RPS6KA4: variants seen among roughly 807,000 people sequenced by gnomAD.
The protein encoded by RPS6KA4 is ribosomal protein S6 kinase alpha-4.
Under a neutral mutation model 89.6 loss-of-function variants are expected in RPS6KA4, and 38 were observed. The ratio of observed to expected loss-of-function variants is 0.42; its 90% CI spans 0.33 to 0.56. The LOEUF is 0.56. Among genes scored for constraint, RPS6KA4 ranks in the 20% least tolerant of loss-of-function variants. The pLI, the probability that RPS6KA4 is intolerant of heterozygous loss-of-function variation, is 0.07. For synonymous variants in RPS6KA4, 495 were observed against 492.8 expected (o/e 1.00, Z -0.06); for missense variants, 873 against 1,098.8 (o/e 0.79, Z 2.90).
chr11:64,370,705 G>C lies in RPS6KA4; in HGVS notation c.2100G>C (p.Ser700=). The C allele has an allele frequency of 2.6e-6, 4 of 1,560,656 alleles. No individual in the cohort carries two copies. Among genetic ancestry groups the C allele is most frequent in the Non-Finnish European group, 3.5e-6 (4 of 1,157,162 alleles). ...VLESSGPAVR[S]GLNATFMAFN... The stretch of plus-strand genomic sequence containing the variant: ...AGTCCTCTGGGCCCGCAGTGCGCTC[G>C]GGTCTCAACGCCACCTTCATGGTAA... The change falls in exon 16 of 17, where the codon TCG becomes TCC. Residue 700 remains serine, a synonymous_variant. Coordinates refer to ENST00000334205, the MANE Select transcript of RPS6KA4 (RefSeq NM_003942.3). This position sits in a 1 kb window ranked among gnomAD's most constrained non-coding sequence, Gnocchi z 4.1.
chr11:64,370,573 C>A lies in RPS6KA4; in HGVS notation c.1968C>A (p.Thr656=), dbSNP rs757627442. 2 of 1,592,590 alleles carry A rather than the reference C, an allele frequency of 1.3e-6. No homozygotes were observed. The highest frequency in any genetic ancestry group is 1.3e-5 in the African/African-American group (1 of 74,802). ...TTGCCCCGCCTCCAGGGCTCCTGACCGTGGACCCCGCCAAGCGGCTGAAGC... is the reference window on the plus strand; with the variant it reads ...TTGCCCCGCCTCCAGGGCTCCTGACAGTGGACCCCGCCAAGCGGCTGAAGC... ...EAKELVRGLL[T]VDPAKRLKLE... Residue 656 remains threonine, a synonymous_variant, in exon 16 of 17, where the codon ACC becomes ACA. Transcript: ENST00000334205. The surrounding 1 kb of genome is among the most constrained non-coding windows in gnomAD (Gnocchi z 4.1).
At chr11:64,366,652 G>A (rs1175066260) in intron 9 of RPS6KA4, among the ~76,000 whole-genome samples, 1 of 152,156 alleles carries the variant, frequency 6.6e-6, no homozygotes, top group African/African-American at 2.4e-5. Context: ...ATACCTCTGT[G>A]CCTTTGCACT....
Position 64,371,366 on chromosome 11 carries a change from G to C in RPS6KA4, c.2205G>C (p.Leu735=). 1 of 1,612,630 alleles carries C rather than the reference G, an allele frequency of 6.2e-7. No homozygotes were observed. The highest frequency in any genetic ancestry group is 1.7e-4 in the Middle Eastern group (1 of 6,056). ...APLAKRRKQK[L]RSATASRRGS... ...TGGCCAAGCGGCGGAAGCAGAAGCTGCGGAGCGCCACCGCCTCCCGCCGGG... is the reference window on the plus strand; with the variant it reads ...TGGCCAAGCGGCGGAAGCAGAAGCTCCGGAGCGCCACCGCCTCCCGCCGGG... The change falls in exon 17 of 17, where the codon CTG becomes CTC. Residue 735 remains leucine (L), a synonymous_variant. Coordinates refer to ENST00000334205, the MANE Select transcript of RPS6KA4 (RefSeq NM_003942.3).
intron 16 of RPS6KA4, 87 bp from the exon 17 acceptor site, chr11:64,371,196 A>G (rs2135349889): frequency 7.5e-7 from 1 of 1,327,196 alleles, no homozygotes; most frequent in Non-Finnish European, 1.0e-6. Context: ...AGGCGGCTGG[A>G]GGCAAGGTCT....
intron 14 of RPS6KA4, 55 bp downstream of exon 14, chr11:64,369,948 C>T (rs993109896): frequency 2.3e-5 from 33 of 1,443,480 alleles, no homozygotes; most frequent in Non-Finnish European, 9.2e-6. Flanking sequence ...TGGCGTCTTC[C>T]TGATGTGCAG....
chr11:64,369,761 G>A lies in RPS6KA4; in HGVS notation c.1665G>A (p.Ala555=), dbSNP rs1399504846. Residue 555 remains alanine, a synonymous_variant, in exon 14 of 17, where the codon GCG becomes GCA. Coordinates refer to ENST00000334205, the MANE Select transcript of RPS6KA4 (RefSeq NM_003942.3). The stretch of plus-strand genomic sequence containing the variant: ...TGAAAATCATCGACTTCGGGTTCGC[G>A]CGGTTGCGGCCGCAGAGTCCCGGGG... ...APVKIIDFGF[A]RLRPQSPGVP... 3 of 1,611,674 alleles carry A rather than the reference G, an allele frequency of 1.9e-6. No homozygotes were observed. The highest frequency in any genetic ancestry group is 3.3e-5 in the Admixed American group (2 of 59,934).
Position 64,368,129 on chromosome 11 carries a change from C to T in RPS6KA4, c.1072-3C>T. 2 of 1,613,454 alleles carry T rather than the reference C, an allele frequency of 1.2e-6. No homozygotes were observed. Among genetic ancestry groups the T allele is most frequent in the Non-Finnish European group, 1.7e-6 (2 of 1,179,924 alleles). ...GCCCATTCCCCGGACTCCCGCCCTG[C>T]AGGGATACTCCTTTGTGGCACCCTC... On this transcript the variant is annotated splice_polypyrimidine_tract_variant and splice_region_variant and intron_variant, in intron 9 of 16. Coordinates refer to ENST00000334205, the MANE Select transcript of RPS6KA4 (RefSeq NM_003942.3).
chr11:64,368,153 T>G lies in RPS6KA4; in HGVS notation c.1093T>G (p.Ser365Ala), dbSNP rs757849416. The change falls in exon 10 of 17, where the codon TCC (serine) becomes GCC (alanine). Residue 365 changes from serine to alanine, a missense_variant. Physicochemically the swap from Ser to Ala is moderately conservative, Grantham distance 99. This residue lies in a region of RPS6KA4 where 542 missense variants were observed against 736.4 expected (regional missense o/e 0.74). Coordinates refer to ENST00000334205, the MANE Select transcript of RPS6KA4 (RefSeq NM_003942.3). ...GCAGGGATACTCCTTTGTGGCACCC[T>G]CCATTCTCTTTGACCACAACAACGC... ...IFQGYSFVAPSILFDHNNAVM... is the reference protein window; with the variant it reads ...IFQGYSFVAPAILFDHNNAVM... 3.3e-5 allele frequency: 54 copies of G among 1,613,512 alleles called. 1 individual carries two copies. Among genetic ancestry groups the G allele is most frequent in the Non-Finnish European group, 3.3e-5 (39 of 1,180,012 alleles).
Position 64,368,161 on chromosome 11 carries a change from C to T in RPS6KA4, c.1101C>T (p.Leu367=). 1 of 1,613,742 alleles carries T rather than the reference C, an allele frequency of 6.2e-7. No individual in the cohort carries two copies. Among genetic ancestry groups the T allele is most frequent in the Non-Finnish European group, 8.5e-7 (1 of 1,180,030 alleles). The part of the protein sequence containing the change: ...QGYSFVAPSI[L]FDHNNAVMTD... Reference sequence around the variant, plus strand: ...ACTCCTTTGTGGCACCCTCCATTCTCTTTGACCACAACAACGCGGTGATGA... The same window carrying T: ...ACTCCTTTGTGGCACCCTCCATTCTTTTTGACCACAACAACGCGGTGATGA... Residue 367 remains leucine, a synonymous_variant, in exon 10 of 17, where the codon CTC becomes CTT. Coordinates refer to ENST00000334205, the MANE Select transcript of RPS6KA4 (RefSeq NM_003942.3).
chr11:64,364,394 T>C (rs2036827445), intron 8 of RPS6KA4, among the ~76,000 whole-genome samples: 1 of 152,200 alleles, frequency 6.6e-6, no homozygotes, highest in African/African-American at 2.4e-5. Context: ...AGCAAGTTTG[T>C]AAAAATATTC....
At position 64,368,144 on chromosome 11, in the gene RPS6KA4, G is replaced by T. The variant is rs1182908241; in HGVS notation, c.1084G>T (p.Val362Leu). ...TCCCGCCCTGCAGGGATACTCCTTTGTGGCACCCTCCATTCTCTTTGACCA... is the reference window on the plus strand; with the variant it reads ...TCCCGCCCTGCAGGGATACTCCTTTTTGGCACCCTCCATTCTCTTTGACCA... ...DPRIFQGYSF[V>L]APSILFDHNN... The change falls in exon 10 of 17, where the codon GTG (valine) becomes TTG (leucine). Residue 362 changes from valine to leucine, a missense_variant. Val to Leu is a conservative substitution (Grantham distance 32). Transcript: ENST00000334205. 6.2e-7 allele frequency: 1 copy of T among 1,613,602 alleles called. No individual in the cohort carries two copies. Among genetic ancestry groups the T allele is most frequent in the East Asian group, 2.2e-5 (1 of 44,882 alleles).
At position 64,362,549 on chromosome 11, in the gene RPS6KA4, C is replaced by T. The variant is rs1032989347; in HGVS notation, c.906+547C>T. On this transcript the variant is annotated intron_variant, in intron 8 of 16. Transcript: ENST00000334205. ...GCAGTGCAGAGTGAATCTGGCCATGCGAGAATGCACTGACTCAGGGGCTGG... is the reference window on the plus strand; with the variant it reads ...GCAGTGCAGAGTGAATCTGGCCATGTGAGAATGCACTGACTCAGGGGCTGG... Among the ~76,000 whole-genome samples, 24 of 152,198 alleles carry T rather than the reference C, an allele frequency of 1.6e-4. No individual in the cohort carries two copies. In the South Asian group the frequency reaches 2.1e-3, roughly 13 times the overall value.
rs374065485 is a variant in RPS6KA4, at chr11:64,365,436, C to T, written c.1042C>T (p.Pro348Ser). ...GCCTGTCTACTCACCCCCTGGCAGC[C>T]CCCCACCTGGGGACCCCCGAATCTT... Reference protein sequence around the residue: ...LEPVYSPPGSPPPGDPRIFQG... With the variant: ...LEPVYSPPGSSPPGDPRIFQG... The change falls in exon 9 of 17, where the codon CCC (proline) becomes TCC (serine). Residue 348 changes from proline (P) to serine (S), a missense_variant. By Grantham distance (74) the Pro-to-Ser change is moderately conservative. Transcript: ENST00000334205. 8 of 1,613,822 alleles carry T rather than the reference C, an allele frequency of 5.0e-6. No homozygotes were observed. The highest frequency in any genetic ancestry group is 6.8e-6 in the Non-Finnish European group (8 of 1,180,008).
Position 64,368,757 on chromosome 11 carries a change from AC to A in RPS6KA4, c.1392del (p.Asn465ThrfsTer3). 1 of 1,572,070 alleles carries A rather than the reference AC, an allele frequency of 6.4e-7. No homozygotes were observed. On this transcript the variant is annotated frameshift_variant, in exon 12 of 17. Coordinates refer to ENST00000334205, the MANE Select transcript of RPS6KA4 (RefSeq NM_003942.3). LOFTEE classifies it high-confidence loss of function. Reference protein sequence around the residue: ...EVAALRLCQSHPNVVNLHEVH... With the variant: ...EVAALRLCQSXPNVVNLHEVH... The stretch of plus-strand genomic sequence containing the variant: ...GCTGCCCTGCGCCTGTGCCAGTCAC[AC>A]CCCAACGTGGTGAATCTGCACGAGG...
At chr11:64,368,305 A>G in intron 10 of RPS6KA4, 45 bp downstream of exon 10, 1 of 1,601,556 alleles carries the variant, frequency 6.2e-7, no homozygotes, top group South Asian at 1.1e-5. Context: ...GTTTTAGGAG[A>G]GGCCTAGGCC....
chr11:64,369,336 G>C, intron 12 of RPS6KA4, 110 bp from the exon 13 acceptor site: 1 of 1,157,662 alleles, frequency 8.6e-7, no homozygotes, highest in Non-Finnish European at 1.2e-6. Context: ...TTTGAGGAGG[G>C]GGTTCTCGAA....
At chr11:64,366,021 T>C (rs2036871837) in intron 9 of RPS6KA4, among the ~76,000 whole-genome samples, 1 of 150,656 alleles carries the variant, frequency 6.6e-6, no homozygotes, top group South Asian at 2.1e-4. Flanking sequence ...GTTGGGCGAC[T>C]GAGTGAAACT....
intron 9 of RPS6KA4, among the ~76,000 whole-genome samples, chr11:64,366,936 A>G (rs1436937971): frequency 6.6e-6 from 1 of 151,988 alleles, no homozygotes; most frequent in Non-Finnish European, 1.5e-5. Flanking sequence ...AGAATTGACA[A>G]CTCTGTGCTT....
intron 9 of RPS6KA4, 73 bp downstream of exon 9, chr11:64,365,538 C>T (rs1321237633): frequency 5.8e-6 from 9 of 1,544,356 alleles, no homozygotes; most frequent in African/African-American, 4.1e-5. Flanking sequence ...CTGGCTGGCC[C>T]GAGGACACTG....
Sources: gnomAD v4.1 joint callset for allele counts (sites outside exome capture counted in the v4.1 genomes callset) on GRCh38, gnomAD v4.1.1 for gene constraint, gnomAD v4.1.1 regional missense constraint, Gnocchi (gnomAD v3.1) non-coding constraint, MANE v1.5 for transcripts, NCBI Gene and HGNC (gene_info 2026-07-23, HGNC 2026-07-21) for gene names.